GRM6: variants seen among roughly 807,000 people sequenced by gnomAD.
GRM6 encodes glutamate metabotropic receptor 6, also known as metabotropic glutamate receptor 6.
A neutral mutation model predicts 78.4 loss-of-function variants in GRM6; 73 were observed. The ratio of observed to expected loss-of-function variants is 0.93; its 90% confidence interval spans 0.77 to 1.13. GRM6 has a LOEUF of 1.13. Ranked by LOEUF, GRM6 falls within the 50% of genes most tolerant of loss-of-function variation. The probability of loss-of-function intolerance (pLI) is 0.00; values close to 1 mark genes in which losing one functional copy is unlikely to be tolerated. For missense variants in GRM6, 1,251 were observed against 1,256.4 expected (o/e 1.00, Z 0.07); for synonymous variants, 580 against 555.0 (o/e 1.05, Z -0.63).
chr5:178,983,049 G>A lies in GRM6; in HGVS notation c.2297C>T (p.Thr766Ile). 1 of 1,614,082 alleles carries A rather than the reference G, an allele frequency of 6.2e-7. No homozygotes were observed. Among genetic ancestry groups the A allele is most frequent in the Non-Finnish European group, 8.5e-7 (1 of 1,179,956 alleles). The change falls in exon 10 of 11, where the codon ACA becomes ATA. Residue 766 changes from threonine (T) to isoleucine (I), a missense_variant. Thr to Ile is a moderately conservative substitution (Grantham distance 89, BLOSUM62 -1). Transcript: ENST00000517717. ...GYSLLLMVTCTVYAIKARGVP... is the reference protein window; with the variant it reads ...GYSLLLMVTCIVYAIKARGVP... The stretch of plus-strand genomic sequence containing the variant: ...GCCACGGGCCTTGATGGCGTACACT[G>A]TGCACGTGACCATGAGCAGGAGGCT...
At chr5:178,986,017 C>A in intron 9 of GRM6, 113 bp downstream of exon 9, 1 of 988,786 alleles carries the variant, frequency 1.0e-6, no homozygotes, top group African/African-American at 1.6e-5. Context: ...CCACCTCAGC[C>A]TCCAAAGGTG....
chr5:178,992,358 G>A lies in GRM6; in HGVS notation c.505-275C>T, dbSNP rs777323308. On this transcript the variant is annotated intron_variant, in intron 2 of 10. Transcript: ENST00000517717. The surrounding 1 kb of genome is among the most constrained non-coding windows in gnomAD (Gnocchi z 4.9). Reference sequence around the variant, plus strand: ...GCAGGGCTGGGGAGAGGGCAGGACCGCCACATATACTGGTACAAGCTGTGT... The same window carrying A: ...GCAGGGCTGGGGAGAGGGCAGGACCACCACATATACTGGTACAAGCTGTGT... The A allele has an allele frequency of 5.1e-5, 30 of 585,616 alleles. 1 individual carries two copies. The East Asian group carries it at 7.0e-4, about 14-fold the overall frequency. 36.3% of individuals were successfully genotyped at this position (585,616 alleles called of 1,614,324 possible).
chr5:178,989,817 A>G, intron 5 of GRM6: 1 of 321,480 alleles, frequency 3.1e-6, no homozygotes, highest in South Asian at 2.9e-5. Flanking sequence ...ATAAGCAGGA[A>G]GACCCAAGGC....
intron 7 of GRM6, chr5:178,987,198 A>G: frequency 1.5e-6 from 1 of 687,658 alleles, no homozygotes; most frequent in East Asian, 2.8e-5. Flanking sequence ...GAGCGTGTGG[A>G]GAAGTCGGAA....
At chr5:178,989,211 ACCCT>A in intron 6 of GRM6, 50 bp downstream of exon 6, 4 of 121,734 alleles carry the variant, frequency 3.3e-5, no homozygotes, top group Non-Finnish European at 5.3e-5. Context: ...CCCCCTCCCC[ACCCT>A]CACCACCCTC....
Position 178,986,570 on chromosome 5 carries a change from T to C in GRM6, c.1684A>G (p.Met562Val), listed in dbSNP as rs935603179. Reference sequence around the variant, plus strand: ...CCCGTGTGGTTGGGCGTGGGCCTCATGTCCCCAGGACAGGCCTCGCATGTG... The same window carrying C: ...CCCGTGTGGTTGGGCGTGGGCCTCACGTCCCCAGGACAGGCCTCGCATGTG... ...EFTCEACPGD[M>V]RPTPNHTGCR... Residue 562 changes from methionine (M) to valine (V), a missense_variant, in exon 9 of 11, where the codon ATG becomes GTG. Physicochemically the swap from Met to Val is conservative, Grantham distance 21 (BLOSUM62 1). Coordinates refer to ENST00000517717, the MANE Select transcript of GRM6 (RefSeq NM_000843.4). The C allele has an allele frequency of 2.5e-6, 4 of 1,607,516 alleles. No homozygotes were observed. In the African/African-American group the frequency reaches 4.0e-5, roughly 16 times the overall value.
chr5:178,982,315 C>T (rs139142366), intron 10 of GRM6, among the ~76,000 whole-genome samples: 40 of 152,224 alleles, frequency 2.6e-4, no homozygotes, highest in African/African-American at 7.7e-4. Flanking sequence ...CAGTGGCTCA[C>T]GCCTGTCATC....
At chr5:178,987,360 C>T in intron 7 of GRM6, 1 of 473,718 alleles carries the variant, frequency 2.1e-6, no homozygotes, top group Non-Finnish European at 4.2e-6. Flanking sequence ...GCTTGTACAG[C>T]CACGTTCACA....
rs1760619997 is a variant in GRM6, at chr5:178,989,004, G to GGCC, written c.1282_1284dup (p.Gly428dup). ...TCAGTGGGTTCCATCGCCGGGCACA[G>GGCC]GCCTGTGTGCCCAGGGCAGAGCGCC... On this transcript the variant is annotated inframe_insertion, in exon 7 of 11. Transcript: ENST00000517717. The GGCC allele has an allele frequency of 7.4e-6, 12 of 1,614,054 alleles. No homozygotes were observed. The highest frequency in any genetic ancestry group is 9.3e-6 in the Non-Finnish European group (11 of 1,179,966).
Position 178,989,120 on chromosome 5 carries a change from C to A in GRM6, c.1169G>T (p.Gly390Val). ...CTCCTGCTCGTAGGTGGAGTCCCGG[C>A]CGATGCGTTCCTCGCCTGTCCTAGG... ...TRKCTGEERIGRDSTYEQEGK... is the reference protein window; with the variant it reads ...TRKCTGEERIVRDSTYEQEGK... Residue 390 changes from glycine to valine, a missense_variant, in exon 7 of 11, where the codon GGC becomes GTC. Physicochemically the swap from Gly to Val is moderately radical, Grantham distance 109. Transcript: ENST00000517717. 6.2e-7 allele frequency: 1 copy of A among 1,613,972 alleles called. No homozygotes were observed. The highest frequency in any genetic ancestry group is 8.5e-7 in the Non-Finnish European group (1 of 1,179,944).
In GRM6 at chr5:178,992,164, G is replaced by T; in HGVS notation, c.505-81C>A. ...GGAGGGTAAGGGGGGCCCAGGACAC[G>T]GACGGGGCACAGAAGGTGTGTGGCA... is the stretch of plus-strand genomic sequence containing the variant. On this transcript the variant is annotated intron_variant, in intron 2 of 10. Coordinates refer to ENST00000517717, the MANE Select transcript of GRM6 (RefSeq NM_000843.4). This position sits in a 1 kb window ranked among gnomAD's most constrained non-coding sequence, Gnocchi z 4.9. 1 of 917,728 alleles carries T rather than the reference G, an allele frequency of 1.1e-6. No homozygotes were observed. The highest frequency in any genetic ancestry group is 1.4e-5 in the South Asian group (1 of 72,262). 56.8% of individuals were successfully genotyped at this position (917,728 alleles called of 1,614,324 possible).
chr5:178,986,319 A>C lies in GRM6; in HGVS notation c.1935T>G (p.Pro645=). ...YAITFLMVAE[P]GAAVCAARRL... ...TGCGGGCGGCACAGACCGCGGCCCCAGGCTCAGCCACCATGAGGAAGGTGA... is the reference window on the plus strand; with the variant it reads ...TGCGGGCGGCACAGACCGCGGCCCCCGGCTCAGCCACCATGAGGAAGGTGA... Residue 645 remains proline, a synonymous_variant, in exon 9 of 11, where the codon CCT becomes CCG. Coordinates refer to ENST00000517717, the MANE Select transcript of GRM6 (RefSeq NM_000843.4). 1.2e-6 allele frequency: 2 copies of C among 1,614,062 alleles called. No homozygotes were observed. Among genetic ancestry groups the C allele is most frequent in the South Asian group, 1.1e-5 (1 of 91,078 alleles).
At position 178,991,494 on chromosome 5, in the gene GRM6, C is replaced by G. The variant is rs1439266013; in HGVS notation, c.787G>C (p.Val263Leu). ...REPKPGEFSK[V>L]IRRLMETPNA... ...GGCGTCTCCATGAGTCTCCTGATCA[C>G]CTTGCTGAACTCTCCTGGCTTTGGT... The change falls in exon 4 of 11, where the codon GTG becomes CTG. Residue 263 changes from valine to leucine, a missense_variant. By Grantham distance (32) the Val-to-Leu change is conservative (BLOSUM62 1). Coordinates refer to ENST00000517717, the MANE Select transcript of GRM6 (RefSeq NM_000843.4). This position sits in a 1 kb window ranked among gnomAD's most constrained non-coding sequence, Gnocchi z 5.0. 1 of 1,613,592 alleles carries G rather than the reference C, an allele frequency of 6.2e-7. No individual in the cohort carries two copies. Among genetic ancestry groups the G allele is most frequent in the Non-Finnish European group, 8.5e-7 (1 of 1,179,674 alleles).
Position 178,992,147 on chromosome 5 carries a change from A to C in GRM6, c.505-64T>G. On this transcript the variant is annotated intron_variant, in intron 2 of 10. Transcript: ENST00000517717. This position sits in a 1 kb window ranked among gnomAD's most constrained non-coding sequence, Gnocchi z 4.9. Reference sequence around the variant, plus strand: ...TCAGTAACTCAAGAGAGGGAGGGTAAGGGGGGCCCAGGACACGGACGGGGC... The same window carrying C: ...TCAGTAACTCAAGAGAGGGAGGGTACGGGGGGCCCAGGACACGGACGGGGC... 1.8e-6 allele frequency: 2 copies of C among 1,095,420 alleles called. No homozygotes were observed. Among genetic ancestry groups the C allele is most frequent in the South Asian group, 1.3e-5 (1 of 78,222 alleles). 67.9% of individuals were successfully genotyped at this position (1,095,420 alleles called of 1,614,324 possible). A position where few individuals can be genotyped will look rare whatever the true frequency, so the allele number is the denominator to read the frequency against.
intron 5 of GRM6, among the ~76,000 whole-genome samples, chr5:178,990,310 T>G (rs1441374957): frequency 6.6e-6 from 1 of 152,184 alleles, no homozygotes; most frequent in African/African-American, 2.4e-5. Context: ...GATTAGAATG[T>G]CTTTGGCAGC....
At position 178,994,698 on chromosome 5, in the gene GRM6, G is replaced by C. The variant is rs764026431; in HGVS notation, c.247C>G (p.Pro83Ala). 6.0e-5 allele frequency: 88 copies of C among 1,468,842 alleles called. No homozygotes were observed. The highest frequency in any genetic ancestry group is 6.9e-5 in the Non-Finnish European group (77 of 1,113,070). 91.0% of individuals were successfully genotyped at this position (1,468,842 alleles called of 1,614,324 possible). The change falls in exon 2 of 11, where the codon CCC becomes GCC. Residue 83 changes from proline (P) to alanine (A), a missense_variant. Coordinates refer to ENST00000517717, the MANE Select transcript of GRM6 (RefSeq NM_000843.4). ...AGGCGCACGCCGGGCAGCAGCTCGG[G>C]GTCGGCGTTGACGCGGTCCAGCGCG... The part of the protein sequence containing the change: ...LYALDRVNAD[P>A]ELLPGVRLGA...
Position 178,986,852 on chromosome 5 carries a change from T to C in GRM6, c.1486A>G (p.Thr496Ala), listed in dbSNP as rs767047643. ...GYQAVGQWAETLRLDVEALQW... is the reference protein window; with the variant it reads ...GYQAVGQWAEALRLDVEALQW... ...TGCACACTCACATCCAGTCTGAGGGTCTCTGCCCACTGGCCCACTGCCTGG... is the reference window on the plus strand; with the variant it reads ...TGCACACTCACATCCAGTCTGAGGGCCTCTGCCCACTGGCCCACTGCCTGG... The change falls in exon 8 of 11, where the codon ACC becomes GCC. Residue 496 changes from threonine (T) to alanine (A), a missense_variant. Thr to Ala is a moderately conservative substitution (Grantham distance 58, BLOSUM62 0). Transcript: ENST00000517717. 2 of 1,613,736 alleles carry C rather than the reference T, an allele frequency of 1.2e-6. No individual in the cohort carries two copies. Among genetic ancestry groups the C allele is most frequent in the Non-Finnish European group, 1.7e-6 (2 of 1,179,974 alleles).
At chr5:178,984,909 C>T (rs1760479949) in intron 9 of GRM6, among the ~76,000 whole-genome samples, 1 of 152,154 alleles carries the variant, frequency 6.6e-6, no homozygotes, top group Admixed American at 6.5e-5. Flanking sequence ...TGCAGTGTCA[C>T]ACCAGGTCAC....
In GRM6 at chr5:178,991,434, C is replaced by A; in HGVS notation, c.847G>T (p.Asp283Tyr). ...GTGCCACTGTCCCACCTGATGTCAT[C>A]CTCATTGGCAAAGATGATGATGCCC... is the stretch of plus-strand genomic sequence containing the variant. The part of the protein sequence containing the change: ...ARGIIIFANE[D>Y]DIRRVLEAAR... Residue 283 changes from aspartate (D) to tyrosine (Y), a missense_variant, in exon 4 of 11, where the codon GAT (aspartate) becomes TAT (tyrosine). By Grantham distance (160) the Asp-to-Tyr change is radical. Coordinates refer to ENST00000517717, the MANE Select transcript of GRM6 (RefSeq NM_000843.4). This position sits in a 1 kb window ranked among gnomAD's most constrained non-coding sequence, Gnocchi z 5.0. 2 of 1,614,056 alleles carry A rather than the reference C, an allele frequency of 1.2e-6. No individual in the cohort carries two copies. Among genetic ancestry groups the A allele is most frequent in the Non-Finnish European group, 1.7e-6 (2 of 1,179,964 alleles).
Sources: gnomAD v4.1 joint callset for allele counts (sites outside exome capture counted in the v4.1 genomes callset) on GRCh38, gnomAD v4.1.1 for gene constraint, Gnocchi (gnomAD v3.1) non-coding constraint, MANE v1.5 for transcripts, NCBI Gene and HGNC (gene_info 2026-07-23, HGNC 2026-07-21) for gene names.